ZC3H12B: variants seen among roughly 807,000 people sequenced by gnomAD.
ZC3H12B encodes the protein zinc finger CCCH-type containing 12B, also known as probable ribonuclease ZC3H12B.
Under a neutral mutation model 43.9 loss-of-function variants are expected in ZC3H12B, and 7 were observed. That is an observed-to-expected ratio of 0.16 (90% confidence interval 0.09 to 0.30). The LOEUF (loss-of-function observed/expected upper bound fraction) is 0.30, where lower values mean the gene tolerates loss of function less well. Ranked by LOEUF, ZC3H12B falls within the 10% of genes least tolerant of loss-of-function variation. The pLI, the probability that ZC3H12B is intolerant of heterozygous loss-of-function variation, is 1.00. For missense variants in ZC3H12B, 475 were observed against 670.2 expected, an observed-to-expected ratio of 0.71 and a Z score of 3.22; for synonymous variants, 222 against 241.7, an observed-to-expected ratio of 0.92 and a Z score of 0.76.
At chrX:65,178,301 A>G in the ZC3H12B span, among the ~76,000 whole-genome samples, 1 of 112,413 alleles carries the variant, frequency 8.9e-6, no homozygotes, top group Admixed American at 9.5e-5. Flanking sequence ...ACGTAAAACC[A>G]TAAATACCCT....
chrX:65,212,165 T>C, the ZC3H12B span, among the ~76,000 whole-genome samples: 1 of 50,968 alleles, frequency 2.0e-5, no homozygotes, highest in South Asian at 1.7e-3. Context: ...TAGTATATAA[T>C]ATATAATATT....
intron 3 of ZC3H12B, among the ~76,000 whole-genome samples, chrX:65,466,598 G>A (rs1028671526): frequency 1.4e-4 from 15 of 108,700 alleles, no homozygotes; most frequent in Non-Finnish European, 1.1e-4. Flanking sequence ...AAGTGAGATT[G>A]CTGGATTGTA....
chrX:65,397,081 G>A (rs1052653169), intron 2 of ZC3H12B, among the ~76,000 whole-genome samples: 33 of 110,197 alleles, frequency 3.0e-4, no homozygotes, highest in Admixed American at 7.7e-4. Context: ...CCTTTATTTT[G>A]AGCCTATATG....
At chrX:65,084,523 T>A in the ZC3H12B span, among the ~76,000 whole-genome samples, 2 of 112,459 alleles carry the variant, frequency 1.8e-5, no homozygotes, top group Non-Finnish European at 3.8e-5. Context: ...ACGTCATTGA[T>A]CATCAGAGAA....
the ZC3H12B span, among the ~76,000 whole-genome samples, chrX:65,301,585 T>C: frequency 1.8e-5 from 2 of 111,440 alleles, no homozygotes; most frequent in Non-Finnish European, 3.8e-5. Flanking sequence ...AGACAATTAT[T>C]CTAAGTCAAG....
At chrX:65,326,375 G>T in the ZC3H12B span, among the ~76,000 whole-genome samples, 1 of 110,957 alleles carries the variant, frequency 9.0e-6, no homozygotes, top group Non-Finnish European at 1.9e-5. Context: ...GAGACTGGAG[G>T]TCATTACTGT....
chrX:65,134,454 C>A, the ZC3H12B span, among the ~76,000 whole-genome samples: 3 of 111,494 alleles, frequency 2.7e-5, no homozygotes, highest in African/African-American at 9.8e-5. Flanking sequence ...TCCTTTGTCT[C>A]TACTAGAGAG....
At chrX:65,251,588 ATTTG>A in the ZC3H12B span, among the ~76,000 whole-genome samples, 1 of 111,300 alleles carries the variant, frequency 9.0e-6, no homozygotes, top group African/African-American at 3.3e-5. Flanking sequence ...ATGTTTTTCC[ATTTG>A]TTTGTGTCCT....
chrX:65,216,172 C>A, the ZC3H12B span, among the ~76,000 whole-genome samples: 2 of 111,722 alleles, frequency 1.8e-5, no homozygotes, highest in African/African-American at 6.5e-5. Context: ...CAAAGCCAGA[C>A]AAGTGGTCAC....
At chrX:65,073,858 G>A in the ZC3H12B span, among the ~76,000 whole-genome samples, 15 of 111,679 alleles carry the variant, frequency 1.3e-4, no homozygotes, top group Non-Finnish European at 2.1e-4. Flanking sequence ...CTGTAGCCCT[G>A]TGCAGGGTTC....
chrX:65,242,965 A>G, the ZC3H12B span, among the ~76,000 whole-genome samples: 768 of 112,351 alleles, frequency 6.8e-3, 9 homozygotes, highest in African/African-American at 0.024. Flanking sequence ...CTTGCCATAT[A>G]TGAAAATCAA....
At chrX:65,044,415 T>C in the ZC3H12B span, among the ~76,000 whole-genome samples, 574 of 111,578 alleles carry the variant, frequency 5.1e-3, 2 homozygotes, top group African/African-American at 0.017. Flanking sequence ...CCAAAACATA[T>C]AGACTTTTGT....
At chrX:65,236,486 T>C in the ZC3H12B span, among the ~76,000 whole-genome samples, 1 of 111,932 alleles carries the variant, frequency 8.9e-6, no homozygotes, top group African/African-American at 3.2e-5. Flanking sequence ...ATTTTCTCTT[T>C]CTCTGTAGGT....
chrX:65,166,731 G>A, the ZC3H12B span, among the ~76,000 whole-genome samples: 4 of 111,432 alleles, frequency 3.6e-5, no homozygotes, highest in Non-Finnish European at 5.6e-5. Flanking sequence ...TTTAATGATC[G>A]CCATTCTAAC....
chrX:65,463,198 CA>C (rs1049551920), intron 3 of ZC3H12B, among the ~76,000 whole-genome samples: 3 of 111,921 alleles, frequency 2.7e-5, no homozygotes, highest in African/African-American at 9.7e-5. Flanking sequence ...TGGGATTAAA[CA>C]TACCCCAAAC....
At chrX:65,391,719 C>T (rs1470663352) in intron 2 of ZC3H12B, among the ~76,000 whole-genome samples, 5 of 111,008 alleles carry the variant, frequency 4.5e-5, no homozygotes, top group Non-Finnish European at 9.5e-5. Context: ...TAAAATTCAA[C>T]ATTCTCCCTC....
chrX:65,378,043 G>A (rs1337597911), intron 2 of ZC3H12B, among the ~76,000 whole-genome samples: 1 of 110,618 alleles, frequency 9.0e-6, no homozygotes, highest in Non-Finnish European at 1.9e-5. Context: ...AGCTTGCAGT[G>A]AGTGGAGATT....
chrX:65,347,393 AAAAC>A, the ZC3H12B span, among the ~76,000 whole-genome samples: 18 of 111,952 alleles, frequency 1.6e-4, no homozygotes, highest in African/African-American at 4.2e-4. Flanking sequence ...TTACAAGAAA[AAAAC>A]AAACAACCCC....
chrX:65,456,774 C>T (rs1399094970), intron 3 of ZC3H12B, among the ~76,000 whole-genome samples: 3 of 108,809 alleles, frequency 2.8e-5, no homozygotes, highest in South Asian at 8.2e-4. Context: ...AGTGCAGTGG[C>T]GTGATCTCGG....
Sources: allele counts gnomAD v4.1 joint callset (sites outside exome capture counted in the v4.1 genomes callset), GRCh38; gene constraint gnomAD v4.1.1; transcripts MANE v1.5; gene names NCBI Gene and HGNC (gene_info 2026-07-23, HGNC 2026-07-21).